The following RAB33A variants were observed in gnomAD, a reference collection of about 807,000 sequenced individuals.
RAB33A encodes the protein RAB33A, member RAS oncogene family.
Under a neutral mutation model 12.0 loss-of-function variants are expected in RAB33A, and 6 were observed. The observed-to-expected ratio is 0.50, with a 90% CI of 0.27 to 0.99. The LOEUF (loss-of-function observed/expected upper bound fraction) is 0.99. Among genes scored for constraint, RAB33A ranks in the 50% least tolerant of loss-of-function variants. The probability of loss-of-function intolerance (pLI) is 0.11; values close to 1 mark genes in which losing one functional copy is unlikely to be tolerated. For missense variants in RAB33A, 109 were observed against 192.0 expected, an observed-to-expected ratio of 0.57 and a Z score of 2.55; for synonymous variants, 70 against 82.4, an observed-to-expected ratio of 0.85 and a Z score of 0.81.
the RAB33A span, chrX:130,149,648 T>C: frequency 1.4e-6 from 1 of 736,578 alleles, no homozygotes; most frequent in East Asian, 3.2e-5. Flanking sequence ...TTCAATTAAA[T>C]GAGAAGCTTT....
At chrX:130,138,649 G>A in the RAB33A span, 9 of 1,208,406 alleles carry the variant, frequency 7.4e-6, no homozygotes, top group African/African-American at 3.5e-5. Context: ...ACCGATAATC[G>A]TAATTGATTT....
chrX:130,184,408 C>A lies in RAB33A; in HGVS notation c.382C>A (p.Leu128Ile). Residue 128 changes from leucine to isoleucine, a missense_variant, in exon 2 of 2, where the codon CTC (leucine) becomes ATC (isoleucine). Physicochemically the swap from Leu to Ile is conservative, Grantham distance 5 (BLOSUM62 2). Coordinates refer to ENST00000257017, the MANE Select transcript of RAB33A (RefSeq NM_004794.3). Reference sequence around the variant, plus strand: ...CACCAAGATGACATCTTTCACCAACCTCAAAATGTGGATCCAAGAATGCAA... The same window carrying A: ...CACCAAGATGACATCTTTCACCAACATCAAAATGTGGATCCAAGAATGCAA... The part of the protein sequence containing the change: ...DVTKMTSFTN[L>I]KMWIQECNGH... 1 of 1,211,761 alleles carries A rather than the reference C, an allele frequency of 8.3e-7. No individual in the cohort carries two copies. Among genetic ancestry groups the A allele is most frequent in the South Asian group, 1.8e-5 (1 of 57,016 alleles).
chrX:130,115,004 G>A, the RAB33A span, among the ~76,000 whole-genome samples: 53 of 110,163 alleles, frequency 4.8e-4, no homozygotes, highest in Non-Finnish European at 9.5e-4. Flanking sequence ...GGGTTTTGCC[G>A]TGTTTTCCAG....
the RAB33A span, among the ~76,000 whole-genome samples, chrX:130,154,699 C>G: frequency 0.028 from 3,156 of 111,966 alleles, 32 homozygotes; most frequent in Middle Eastern, 0.097. Context: ...AATAAAATGC[C>G]TTTTCATAGT....
chrX:130,133,266 G>C, the RAB33A span: 3 of 1,196,793 alleles, frequency 2.5e-6, no homozygotes, highest in African/African-American at 1.8e-5. Flanking sequence ...TGGTCCTAGA[G>C]ATACTGAGTT....
the RAB33A span, chrX:130,139,721 G>A: frequency 1.0e-6 from 1 of 982,178 alleles, no homozygotes; most frequent in Non-Finnish European, 1.5e-6. Flanking sequence ...AGTCCCGGGT[G>A]GGCACTTGGG....
At chrX:130,181,883 G>T (rs1254087660) in intron 1 of RAB33A, among the ~76,000 whole-genome samples, 2 of 110,107 alleles carry the variant, frequency 1.8e-5, no homozygotes, top group African/African-American at 3.3e-5. Flanking sequence ...GGATGTGGAG[G>T]TTGCAGTGAG....
chrX:130,119,594 G>C, the RAB33A span, among the ~76,000 whole-genome samples: 3 of 111,411 alleles, frequency 2.7e-5, no homozygotes, highest in Admixed American at 2.8e-4. Context: ...CCTTGGGGAG[G>C]GGTCTGGTAG....
chrX:130,167,778 A>G (rs868407277), upstream of RAB33A, among the ~76,000 whole-genome samples: 1 of 111,341 alleles, frequency 9.0e-6, no homozygotes, highest in Middle Eastern at 4.8e-3. Flanking sequence ...TGATAAAGAC[A>G]GGCAAGTATG....
chrX:130,182,173 T>C (rs865961207), intron 1 of RAB33A, among the ~76,000 whole-genome samples: 2 of 58,807 alleles, frequency 3.4e-5, no homozygotes, highest in African/African-American at 2.5e-4. Context: ...TATATATATA[T>C]ATATATATAC....
chrX:130,171,900 C>CGCGCGCGCACACGGTGCCG, upstream of RAB33A: 2 of 565,476 alleles, frequency 3.5e-6, no homozygotes, highest in Non-Finnish European at 5.3e-6. Flanking sequence ...CCTTCACGCG[C>CGCGCGCGCACACGGTGCCG]GCGCGCGCAC....
At chrX:130,152,648 T>C in the RAB33A span, among the ~76,000 whole-genome samples, 371 of 112,122 alleles carry the variant, frequency 3.3e-3, 2 homozygotes, top group Middle Eastern at 0.014. Flanking sequence ...TAAAGGCCAC[T>C]TTGGCTCTGC....
At chrX:130,127,767 GT>G in the RAB33A span, among the ~76,000 whole-genome samples, 1 of 100,329 alleles carries the variant, frequency 1.0e-5, no homozygotes. Context: ...TTGGCTCACT[GT>G]AACCTCCGCC....
chrX:130,180,756 C>A (rs1434382096), intron 1 of RAB33A, among the ~76,000 whole-genome samples: 5 of 106,102 alleles, frequency 4.7e-5, no homozygotes, highest in Non-Finnish European at 7.8e-5. Context: ...GCGCCCTGGC[C>A]TCCAATTTAT....
At chrX:130,146,745 A>C in the RAB33A span, among the ~76,000 whole-genome samples, 4 of 110,008 alleles carry the variant, frequency 3.6e-5, no homozygotes, top group African/African-American at 1.3e-4. Context: ...ATTCTAACAC[A>C]GGCTCTTCCT....
At chrX:130,172,957 GT>G (rs1205268028) in intron 1 of RAB33A, among the ~76,000 whole-genome samples, 3 of 111,682 alleles carry the variant, frequency 2.7e-5, no homozygotes, top group Non-Finnish European at 5.7e-5. Context: ...GACAAAACTT[GT>G]TTTTTTGTAA....
chrX:130,130,982 TATA>T, the RAB33A span, among the ~76,000 whole-genome samples: 1 of 112,727 alleles, frequency 8.9e-6, no homozygotes, highest in South Asian at 3.6e-4. Context: ...TACATATCCA[TATA>T]ATGTCTTGCT....
intron 1 of RAB33A, among the ~76,000 whole-genome samples, chrX:130,173,086 G>A (rs776935793): frequency 3.6e-5 from 4 of 111,905 alleles, no homozygotes; most frequent in South Asian, 3.7e-4. Flanking sequence ...TGACTTAACC[G>A]AGGGCCAGGG....
At chrX:130,140,391 C>G in the RAB33A span, 2 of 551,568 alleles carry the variant, frequency 3.6e-6, no homozygotes, top group Non-Finnish European at 6.4e-6. Context: ...ACACAGCCAG[C>G]TTTTGTACCA....
Sources: allele counts gnomAD v4.1 joint callset (sites outside exome capture counted in the v4.1 genomes callset), GRCh38; gene constraint gnomAD v4.1.1; transcripts MANE v1.5; gene names NCBI Gene and HGNC (gene_info 2026-07-23, HGNC 2026-07-21).